Variants in SASH1 observed in about 807,000 individuals in gnomAD.
The protein encoded by SASH1 is SAM and SH3 domain containing 1.
SASH1 carries 44 observed loss-of-function variants against 125.2 expected under a neutral mutation model. That is an observed-to-expected ratio of 0.35 (90% confidence interval 0.28 to 0.45). The LOEUF is 0.45. Among genes scored for constraint, SASH1 ranks in the 20% least tolerant of loss-of-function variants. The pLI is 1.00. For missense variants in SASH1, 1,426 were observed against 1,614.5 expected (o/e 0.88, Z 2.00); for synonymous variants, 639 against 649.1 (o/e 0.98, Z 0.24).
At chr6:148,526,093 C>T (rs957036541) in intron 11 of SASH1, among the ~76,000 whole-genome samples, 11 of 117,548 alleles carry the variant, frequency 9.4e-5, no homozygotes, top group African/African-American at 3.6e-4. Flanking sequence ...GAGTCTCGCT[C>T]TGTAGCCCAG....
chr6:148,314,859 T>C (rs1780440537), intron 1 of SASH1, among the ~76,000 whole-genome samples: 1 of 150,860 alleles, frequency 6.6e-6, no homozygotes, highest in Admixed American at 6.7e-5. Flanking sequence ...TGGGTTCAAG[T>C]GATTCTCCTG....
At chr6:148,214,907 C>T in the SASH1 span, among the ~76,000 whole-genome samples, 8 of 152,186 alleles carry the variant, frequency 5.3e-5, no homozygotes, top group African/African-American at 1.9e-4. Flanking sequence ...GACTGTGTTC[C>T]TTGCACCTGC....
chr6:148,216,460 A>G, the SASH1 span, among the ~76,000 whole-genome samples: 3 of 152,182 alleles, frequency 2.0e-5, no homozygotes, highest in Non-Finnish European at 4.4e-5. Flanking sequence ...AGCATATTGA[A>G]TTACTTACAG....
At chr6:148,275,662 G>A (rs1199563215) in intron 1 of SASH1, among the ~76,000 whole-genome samples, 3 of 152,036 alleles carry the variant, frequency 2.0e-5, no homozygotes, top group Non-Finnish European at 4.4e-5. Flanking sequence ...CCCCTCCCTA[G>A]CTCGCTTGCA....
the SASH1 span, among the ~76,000 whole-genome samples, chr6:148,233,742 C>CAAAAAAAAAAAAAAAAAAAAAAAAA: frequency 4.2e-3 from 252 of 60,496 alleles, 42 homozygotes; most frequent in Non-Finnish European, 6.0e-3. Flanking sequence ...TTCCTCTCTA[C>CAAAAAAAAAAAAAAAAAAAAAAAAA]AAAAAAAAAA....
At chr6:148,410,252 A>T (rs1268261814) in intron 2 of SASH1, among the ~76,000 whole-genome samples, 1 of 151,308 alleles carries the variant, frequency 6.6e-6, no homozygotes, top group African/African-American at 2.4e-5. Context: ...CTGAGATTAC[A>T]GGCGCCCGCC....
chr6:148,255,376 C>T, the SASH1 span, among the ~76,000 whole-genome samples: 2 of 152,170 alleles, frequency 1.3e-5, no homozygotes, highest in African/African-American at 2.4e-5. Context: ...GACACCAATC[C>T]TATTGGATTA....
chr6:148,334,511 G>C (rs1392409035), intron 1 of SASH1, among the ~76,000 whole-genome samples: 2 of 147,260 alleles, frequency 1.4e-5, no homozygotes, highest in African/African-American at 5.0e-5. Flanking sequence ...GATGACTTTG[G>C]CCTAATTTAA....
Position 148,495,160 on chromosome 6 carries a change from GGGCACC to G in SASH1, c.729+7450_729+7455del, listed in dbSNP as rs1779261563. ...CAATTCTGGTATGTGCCGAAAGCCA[GGGCACC>G]GGCAGAAGTTCCTTTTAAGTGGTTC... On this transcript the variant is annotated intron_variant, in intron 8 of 19. Coordinates refer to ENST00000367467, the MANE Select transcript of SASH1 (RefSeq NM_015278.5). The surrounding 1 kb of genome is among the most constrained non-coding windows in gnomAD (Gnocchi z 4.0). Among the ~76,000 whole-genome samples the G allele has an allele frequency of 6.6e-6, 1 of 152,198 alleles. No individual in the cohort carries two copies. The highest frequency in any genetic ancestry group is 1.5e-5 in the Non-Finnish European group (1 of 68,034).
intron 1 of SASH1, among the ~76,000 whole-genome samples, chr6:148,276,554 G>C (rs961548634): frequency 6.6e-6 from 1 of 152,192 alleles, no homozygotes; most frequent in South Asian, 2.1e-4. Flanking sequence ...AAGTAAGCTA[G>C]GATGGAGGAA....
At chr6:148,390,583 A>G (rs1042014178) in intron 2 of SASH1, among the ~76,000 whole-genome samples, 9 of 152,260 alleles carry the variant, frequency 5.9e-5, no homozygotes, top group African/African-American at 2.2e-4. Flanking sequence ...TCAGGAGATC[A>G]AGACCATCCT....
rs1391814854 is a variant in SASH1, at chr6:148,533,174, C to CT, written c.1734+209dup. ...CAGAGGGAGGGTCTCGTGTTAATCC[C>CT]TGGGTTAGCATCACTTCACCCCTCT... is the stretch of plus-strand genomic sequence containing the variant. On this transcript the variant is annotated intron_variant, in intron 14 of 19. Coordinates refer to ENST00000367467, the MANE Select transcript of SASH1 (RefSeq NM_015278.5). This position sits in a 1 kb window ranked among gnomAD's most constrained non-coding sequence, Gnocchi z 6.2. 2.0e-5 allele frequency among the ~76,000 whole-genome samples: 3 copies of CT among 152,160 alleles called. No individual in the cohort carries two copies. Among genetic ancestry groups the CT allele is most frequent in the African/African-American group, 4.8e-5 (2 of 41,442 alleles).
At chr6:148,231,125 C>A in the SASH1 span, among the ~76,000 whole-genome samples, 9 of 152,270 alleles carry the variant, frequency 5.9e-5, no homozygotes, top group African/African-American at 2.2e-4. Flanking sequence ...ATATTTGTGT[C>A]TATTATCCAC....
At chr6:148,340,490 CAAAA>C (rs67188759), upstream of SASH1, among the ~76,000 whole-genome samples, 2 of 117,298 alleles carry the variant, frequency 1.7e-5, no homozygotes, top group Non-Finnish European at 1.8e-5. Context: ...GACTCTGTCT[CAAAA>C]AAAAAAAAAA....
Position 148,368,754 on chromosome 6 carries a change from G to GCA in SASH1, c.157-21379_157-21378insAC, listed in dbSNP as rs1478990432. Among the ~76,000 whole-genome samples the GCA allele has an allele frequency of 1.9e-3, 70 of 37,112 alleles. 1 individual carries two copies. The highest frequency in any genetic ancestry group is 5.2e-3 in the African/African-American group (66 of 12,782). The allele number at this position is 37,112 out of a possible 152,430, so 24.3% of individuals were successfully genotyped here. A position where few individuals can be genotyped will look rare whatever the true frequency, so the allele number is the denominator to read the frequency against. ...CTCATCCTTCCAACCTCCCCCACAT[G>GCA]CGCGCGCACGCGCGCGCACACACAC... On this transcript the variant is annotated intron_variant, in intron 1 of 19. Transcript: ENST00000367467.
chr6:148,416,331 T>G (rs960140648), intron 2 of SASH1, among the ~76,000 whole-genome samples: 10 of 152,078 alleles, frequency 6.6e-5, no homozygotes, highest in African/African-American at 2.4e-4. Context: ...TTTCCTAAAG[T>G]GTCCTCTGTA....
intron 1 of SASH1, among the ~76,000 whole-genome samples, chr6:148,298,670 G>GA (rs1485162255): frequency 2.1e-5 from 1 of 46,700 alleles, no homozygotes; most frequent in Non-Finnish European, 4.7e-5. Flanking sequence ...AGGGAGGGAG[G>GA]AAGGAAGGAA....
intron 1 of SASH1, among the ~76,000 whole-genome samples, chr6:148,304,432 C>CAAAAAAAAA (rs1407700167): frequency 1.0e-5 from 1 of 95,842 alleles, no homozygotes; most frequent in African/African-American, 4.2e-5. Flanking sequence ...GACTCCGTCT[C>CAAAAAAAAA]AAAAAAAAAA....
chr6:148,379,944 G>T (rs536261947), intron 1 of SASH1: 45 of 456,546 alleles, frequency 9.9e-5, no homozygotes, highest in African/African-American at 8.6e-4. Context: ...GCAAGTCCTG[G>T]ATATCGTGTG....
Sources: allele counts gnomAD v4.1 joint callset (sites outside exome capture counted in the v4.1 genomes callset), GRCh38; gene constraint gnomAD v4.1.1; non-coding constraint Gnocchi (gnomAD v3.1); transcripts MANE v1.5; gene names NCBI Gene and HGNC (gene_info 2026-07-23, HGNC 2026-07-21).